The following CPNE4 variants were observed in gnomAD, a reference collection of about 807,000 sequenced individuals.
The protein encoded by CPNE4 is copine 4.
In CPNE4, 25 loss-of-function variants were observed where a neutral mutation model predicts 67.9. The ratio of observed to expected loss-of-function variants is 0.37; its 90% CI spans 0.27 to 0.51. The LOEUF is 0.51. CPNE4 is among the 20% of genes least tolerant of loss of function. The probability of loss-of-function intolerance (pLI) is 0.93; values close to 1 mark genes in which losing one functional copy is unlikely to be tolerated. For missense variants in CPNE4, 464 were observed against 690.8 expected, an observed-to-expected ratio of 0.67 and a Z score of 3.68; for synonymous variants, 242 against 244.9, an observed-to-expected ratio of 0.99 and a Z score of 0.11.
intron 1 of CPNE4, among the ~76,000 whole-genome samples, chr3:131,992,464 C>T (rs1291411701): frequency 2.2e-5 from 3 of 136,418 alleles, no homozygotes; most frequent in African/African-American, 7.4e-5. Context: ...TGGAATGGTT[C>T]CAATGTTTGT....
chr3:131,971,957 C>T (rs1343149911), intron 1 of CPNE4, among the ~76,000 whole-genome samples: 1 of 152,154 alleles, frequency 6.6e-6, no homozygotes, highest in African/African-American at 2.4e-5. Context: ...CAGTGTCTGG[C>T]ACTTGGTAGG....
chr3:131,767,350 C>A (rs2083047540), intron 2 of CPNE4, among the ~76,000 whole-genome samples: 1 of 151,764 alleles, frequency 6.6e-6, no homozygotes, highest in South Asian at 2.1e-4. Context: ...GAGGGACAAA[C>A]CATATTGAGA....
chr3:131,583,106 T>A (rs1937949593), intron 8 of CPNE4, among the ~76,000 whole-genome samples: 1 of 152,152 alleles, frequency 6.6e-6, no homozygotes, highest in Admixed American at 6.5e-5. Context: ...TCCTTCAAAA[T>A]ATGGAATTCT....
chr3:131,668,978 G>T (rs75804559), intron 7 of CPNE4, among the ~76,000 whole-genome samples: 20 of 152,228 alleles, frequency 1.3e-4, no homozygotes, highest in African/African-American at 4.6e-4. Context: ...CATGTGACTT[G>T]CTTTGACCTA....
At chr3:131,880,082 T>C (rs1180642090) in intron 2 of CPNE4, among the ~76,000 whole-genome samples, 2 of 151,990 alleles carry the variant, frequency 1.3e-5, no homozygotes, top group Non-Finnish European at 2.9e-5. Flanking sequence ...TTCATTCTCA[T>C]ATCTCATGAC....
intron 1 of CPNE4, among the ~76,000 whole-genome samples, chr3:131,907,698 T>C (rs189138886): frequency 1.6e-4 from 24 of 152,272 alleles, no homozygotes; most frequent in Non-Finnish European, 1.5e-5. Context: ...TTCACTACAA[T>C]GGCAGAACTG....
intron 1 of CPNE4, among the ~76,000 whole-genome samples, chr3:132,020,092 C>A (rs1293314454): frequency 7.1e-6 from 1 of 140,146 alleles, no homozygotes; most frequent in African/African-American, 2.7e-5. Context: ...TCCTCTTACC[C>A]TTCTCTTCCC....
chr3:131,823,978 G>C (rs2085057144), intron 2 of CPNE4, among the ~76,000 whole-genome samples: 1 of 152,144 alleles, frequency 6.6e-6, no homozygotes, highest in Non-Finnish European at 1.5e-5. Flanking sequence ...ATGAATGAAT[G>C]AATGAGGGCT....
intron 1 of CPNE4, among the ~76,000 whole-genome samples, chr3:131,944,937 C>G (rs987187757): frequency 1.3e-5 from 2 of 152,082 alleles, no homozygotes; most frequent in African/African-American, 4.8e-5. Context: ...TCTCCATGAA[C>G]AGCTTTATAG....
At chr3:131,791,136 T>C (rs909817139) in intron 2 of CPNE4, among the ~76,000 whole-genome samples, 2 of 152,206 alleles carry the variant, frequency 1.3e-5, no homozygotes, top group African/African-American at 2.4e-5. Context: ...AATTACTTAA[T>C]GTATCCATGA....
chr3:131,735,379 G>A (rs764350685), intron 2 of CPNE4, among the ~76,000 whole-genome samples: 6 of 152,198 alleles, frequency 3.9e-5, no homozygotes, highest in Non-Finnish European at 8.8e-5. Context: ...AGCATTTCCT[G>A]AAGCATGTTT....
chr3:131,831,784 G>T (rs2085380741), intron 2 of CPNE4, among the ~76,000 whole-genome samples: 3 of 152,090 alleles, frequency 2.0e-5, no homozygotes, highest in Non-Finnish European at 4.4e-5. Flanking sequence ...TGCGGACTTT[G>T]TCATTCAATA....
At chr3:131,727,153 A>C (rs542462019) in intron 2 of CPNE4, among the ~76,000 whole-genome samples, 54 of 152,358 alleles carry the variant, frequency 3.5e-4, no homozygotes, top group South Asian at 1.2e-3. Flanking sequence ...CAGAGTGGGC[A>C]CTTGAACTCA....
At chr3:131,820,151 G>C (rs1303668086) in intron 2 of CPNE4, among the ~76,000 whole-genome samples, 6 of 152,152 alleles carry the variant, frequency 3.9e-5, no homozygotes, top group Non-Finnish European at 7.4e-5. Flanking sequence ...TTGTAGATTG[G>C]GTTCCCCTGA....
intron 3 of CPNE4, among the ~76,000 whole-genome samples, chr3:131,709,095 T>C (rs2081495971): frequency 6.6e-6 from 1 of 150,820 alleles, no homozygotes; most frequent in Admixed American, 6.6e-5. Flanking sequence ...TTACATGAAT[T>C]CTGATATCAG....
At chr3:131,970,159 A>G (rs191657459) in intron 1 of CPNE4, among the ~76,000 whole-genome samples, 3 of 152,288 alleles carry the variant, frequency 2.0e-5, no homozygotes, top group African/African-American at 7.2e-5. Flanking sequence ...ATGAGCTGCC[A>G]TTTCCCTTTT....
chr3:131,917,060 G>A (rs1177819730), intron 1 of CPNE4, among the ~76,000 whole-genome samples: 1 of 152,140 alleles, frequency 6.6e-6, no homozygotes, highest in African/African-American at 2.4e-5. Flanking sequence ...TACTTGTGGA[G>A]ACAGGATGAG....
At chr3:131,971,196 G>T (rs144350087) in intron 1 of CPNE4, among the ~76,000 whole-genome samples, 1 of 152,164 alleles carries the variant, frequency 6.6e-6, no homozygotes, top group Non-Finnish European at 1.5e-5. Context: ...TAGTTTCAGG[G>T]TAGTTAGATT....
chr3:131,575,331 A>G (rs74542896), intron 9 of CPNE4, among the ~76,000 whole-genome samples: 5,533 of 152,220 alleles, frequency 0.036, 299 homozygotes, highest in African/African-American at 0.12. Context: ...GGGCCTATGA[A>G]TGCTGCCAAT....
Sources: allele counts gnomAD v4.1 joint callset (sites outside exome capture counted in the v4.1 genomes callset), GRCh38; gene constraint gnomAD v4.1.1; transcripts MANE v1.5; gene names NCBI Gene and HGNC (gene_info 2026-07-23, HGNC 2026-07-21).